SPMIP6: variants seen among roughly 807,000 people sequenced by gnomAD.
SPMIP6 encodes ciliated bronchial epithelial protein 1.
At chr9:34,397,422 A>G in the SPMIP6 span, 6 of 1,473,430 alleles carry the variant, frequency 4.1e-6, no homozygotes, top group Non-Finnish European at 9.5e-7. Flanking sequence ...GCTACAAATC[A>G]TTACAAACAT....
At chr9:34,381,233 C>T in the SPMIP6 span, 1 of 1,567,134 alleles carries the variant, frequency 6.4e-7, no homozygotes, top group Non-Finnish European at 8.7e-7. This position sits in a 1 kb window ranked among gnomAD's most constrained non-coding sequence, Gnocchi z 4.4. Flanking sequence ...AAAGCCAGGA[C>T]GGATAGATTC....
the SPMIP6 span, among the ~76,000 whole-genome samples, chr9:34,388,932 CTTTTTT>C: frequency 1.8e-5 from 2 of 109,816 alleles, no homozygotes; most frequent in Non-Finnish European, 3.6e-5. Flanking sequence ...CTCTCTCTTT[CTTTTTT>C]TTTTTTTTTT....
At chr9:34,389,660 C>T in the SPMIP6 span, among the ~76,000 whole-genome samples, 23 of 152,110 alleles carry the variant, frequency 1.5e-4, no homozygotes, top group Admixed American at 9.8e-4. Context: ...GAACCACGCC[C>T]GGTGGCACTG....
At chr9:34,392,476 T>TGTGTGTGTGTG in the SPMIP6 span, among the ~76,000 whole-genome samples, 8 of 150,826 alleles carry the variant, frequency 5.3e-5, no homozygotes, top group South Asian at 2.1e-4. The surrounding 1 kb of genome is among the most constrained non-coding windows in gnomAD (Gnocchi z 4.6). Context: ...TGTGTGTGTG[T>TGTGTGTGTGTG]TTAATCTGAA....
At chr9:34,380,661 A>T in the SPMIP6 span, 2 of 1,538,048 alleles carry the variant, frequency 1.3e-6, no homozygotes, top group Admixed American at 4.0e-5. Flanking sequence ...GCCCAGTTTG[A>T]GAGGGACAGG....
At chr9:34,380,837 G>A in the SPMIP6 span, 1 of 1,137,600 alleles carries the variant, frequency 8.8e-7, no homozygotes, top group Non-Finnish European at 1.3e-6. Flanking sequence ...AGGGGGCGGG[G>A]TTCTGGGGCG....
the SPMIP6 span, among the ~76,000 whole-genome samples, chr9:34,387,441 G>A: frequency 6.6e-6 from 1 of 152,134 alleles, no homozygotes; most frequent in Non-Finnish European, 1.5e-5. Flanking sequence ...ACACTTCTAC[G>A]TGGGTGGCGG....
the SPMIP6 span, among the ~76,000 whole-genome samples, chr9:34,380,101 C>G: frequency 0.011 from 1,615 of 152,304 alleles, 22 homozygotes; most frequent in African/African-American, 0.032. Context: ...TCCCACTCCC[C>G]TATGCCCTTG....
the SPMIP6 span, among the ~76,000 whole-genome samples, chr9:34,391,638 T>A: frequency 6.6e-6 from 1 of 152,206 alleles, no homozygotes; most frequent in Non-Finnish European, 1.5e-5. Flanking sequence ...TTTAGAATGG[T>A]GGTTTTCAAA....
At chr9:34,379,800 C>A in the SPMIP6 span, 2 of 1,298,472 alleles carry the variant, frequency 1.5e-6, no homozygotes, top group Non-Finnish European at 2.2e-6. This position sits in a 1 kb window ranked among gnomAD's most constrained non-coding sequence, Gnocchi z 4.2. Context: ...CGATTTAGAC[C>A]AAGCCCCTGG....
At chr9:34,381,401 C>CA in the SPMIP6 span, 11 of 1,614,006 alleles carry the variant, frequency 6.8e-6, no homozygotes, top group Non-Finnish European at 9.3e-6. The surrounding 1 kb of genome is among the most constrained non-coding windows in gnomAD (Gnocchi z 4.4). Context: ...CCTAGGAGGG[C>CA]ATTCCAAGGG....
At chr9:34,380,551 G>C in the SPMIP6 span, 5 of 1,252,810 alleles carry the variant, frequency 4.0e-6, no homozygotes, top group Non-Finnish European at 5.3e-6. Flanking sequence ...GCAGGGCCAA[G>C]GAGATGGGGG....
chr9:34,379,919 C>T, the SPMIP6 span: 1 of 562,338 alleles, frequency 1.8e-6, no homozygotes, highest in African/African-American at 1.9e-5. This position sits in a 1 kb window ranked among gnomAD's most constrained non-coding sequence, Gnocchi z 4.2. Flanking sequence ...TTGGAAGACT[C>T]CCTCCCGGCA....
At chr9:34,389,927 A>ATTCTTTTTTTT in the SPMIP6 span, 1 of 121,524 alleles carries the variant, frequency 8.2e-6, no homozygotes, top group African/African-American at 3.3e-5. Context: ...ATGTGTGTAG[A>ATTCTTTTTTTT]TTTTTTTTTT....
the SPMIP6 span, chr9:34,382,911 A>G: frequency 1.6e-6 from 2 of 1,248,068 alleles, no homozygotes; most frequent in Non-Finnish European, 2.4e-6. Flanking sequence ...GTTACTTCTT[A>G]CTCTACTCCA....
At chr9:34,397,500 G>A in the SPMIP6 span, 28 of 1,613,908 alleles carry the variant, frequency 1.7e-5, no homozygotes, top group South Asian at 3.3e-5. Context: ...CCCACTTACC[G>A]GAGTCAGAAA....
the SPMIP6 span, among the ~76,000 whole-genome samples, chr9:34,395,980 A>C: frequency 6.6e-6 from 1 of 152,346 alleles, no homozygotes; most frequent in Middle Eastern, 3.4e-3. Flanking sequence ...AAGTTTTAAA[A>C]ATGTGTATAT....
At chr9:34,380,583 G>A in the SPMIP6 span, 2 of 1,404,320 alleles carry the variant, frequency 1.4e-6, no homozygotes, top group Admixed American at 5.4e-5. Flanking sequence ...ACTGATGTGC[G>A]GGGTTTCTTC....
At chr9:34,385,697 TATAA>T in the SPMIP6 span, 1 of 1,613,868 alleles carries the variant, frequency 6.2e-7, no homozygotes, top group Non-Finnish European at 8.5e-7. Context: ...ATGGACCCCC[TATAA>T]GTGTAGTCCT....
Sources: allele counts gnomAD v4.1 joint callset (sites outside exome capture counted in the v4.1 genomes callset), GRCh38; gene constraint gnomAD v4.1.1; non-coding constraint Gnocchi (gnomAD v3.1); transcripts MANE v1.5; gene names NCBI Gene and HGNC (gene_info 2026-07-23, HGNC 2026-07-21).